The following PPP2R2B variants were observed in gnomAD, a reference collection of about 807,000 sequenced individuals.
PPP2R2B encodes protein phosphatase 2 regulatory subunit Bbeta.
Under a neutral mutation model 46.0 loss-of-function variants are expected in PPP2R2B, and 5 were observed. That is an observed-to-expected ratio of 0.11 (90% confidence interval 0.06 to 0.23). The LOEUF is 0.23. Among genes scored for constraint, PPP2R2B ranks in the 10% least tolerant of loss-of-function variants. The probability of loss-of-function intolerance (pLI) is 1.00; values close to 1 mark genes in which losing one functional copy is unlikely to be tolerated. For synonymous variants in PPP2R2B, 215 were observed against 206.7 expected (o/e 1.04, Z -0.34); for missense variants, 367 against 575.0 (o/e 0.64, Z 3.70).
At chr5:146,874,382 C>T (rs979619410) in intron 2 of PPP2R2B, among the ~76,000 whole-genome samples, 6 of 152,112 alleles carry the variant, frequency 3.9e-5, no homozygotes, top group Non-Finnish European at 5.9e-5. Flanking sequence ...TATGTATAAA[C>T]AAGACAGTTT....
intron 5 of PPP2R2B, 29 bp downstream of exon 5, chr5:146,691,095 ACTGT>A: frequency 6.3e-7 from 1 of 1,580,280 alleles, no homozygotes; most frequent in Non-Finnish European, 8.7e-7. Context: ...CCTGCCCCTG[ACTGT>A]GGTGGCCAGG....
At chr5:146,784,070 AAT>A (rs1491268954) in intron 2 of PPP2R2B, among the ~76,000 whole-genome samples, 12 of 152,330 alleles carry the variant, frequency 7.9e-5, no homozygotes, top group Non-Finnish European at 1.6e-4. Context: ...AATCTTATGC[AAT>A]AAAAAGAACC....
chr5:147,055,816 A>G, exon 1 of PPP2R2B: 1 of 1,540,734 alleles, frequency 6.5e-7, no homozygotes, highest in Non-Finnish European at 8.7e-7. Flanking sequence ...TCGGCCTTTT[A>G]AGCTGGCTAC....
chr5:146,635,489 C>T (rs528644519), intron 7 of PPP2R2B, among the ~76,000 whole-genome samples: 2 of 152,264 alleles, frequency 1.3e-5, no homozygotes, highest in South Asian at 4.1e-4. Context: ...CAGTTGATTC[C>T]CCAATATCCA....
At chr5:146,689,480 C>T (rs534317993) in intron 5 of PPP2R2B, among the ~76,000 whole-genome samples, 1 of 152,166 alleles carries the variant, frequency 6.6e-6, no homozygotes, top group East Asian at 1.9e-4. Context: ...GGTTTGTAGC[C>T]GAGGACCAAC....
Position 146,650,677 on chromosome 5 carries a change from T to C in PPP2R2B, c.495A>G (p.Arg165=), listed in dbSNP as rs1255309702. The C allele has an allele frequency of 1.2e-5, 20 of 1,613,990 alleles. No individual in the cohort carries two copies. The highest frequency in any genetic ancestry group is 1.7e-5 in the Non-Finnish European group (20 of 1,179,942). The part of the protein sequence containing the change: ...PMDLMVEATP[R]RVFANAHTYH... ...ATGTGTGTGCGTTGGCAAATACTCT[T>C]CGTGGGGTGGCCTCCACCATCAGGT... Residue 165 remains arginine (R), a synonymous_variant, in exon 6 of 10, where the codon CGA becomes CGG. Coordinates refer to ENST00000394411, the MANE Select transcript of PPP2R2B (RefSeq NM_181675.4).
intron 7 of PPP2R2B, among the ~76,000 whole-genome samples, chr5:146,621,792 T>TAATC (rs1773719929): frequency 6.6e-6 from 1 of 152,218 alleles, no homozygotes. Context: ...AAACATTTTA[T>TAATC]AATCACTGTA....
chr5:146,858,295 T>G (rs536564061), intron 2 of PPP2R2B, among the ~76,000 whole-genome samples: 1 of 152,144 alleles, frequency 6.6e-6, no homozygotes, highest in Non-Finnish European at 1.5e-5. Context: ...AAAATGTATG[T>G]GGTCCAGTGC....
intron 2 of PPP2R2B, among the ~76,000 whole-genome samples, chr5:146,771,239 A>G (rs2151270175): frequency 6.6e-6 from 1 of 152,218 alleles, no homozygotes; most frequent in South Asian, 2.1e-4. Context: ...GCAGTGAAAT[A>G]CCTCTTTGAT....
chr5:146,649,741 C>A (rs1775829618), intron 6 of PPP2R2B, among the ~76,000 whole-genome samples: 1 of 152,228 alleles, frequency 6.6e-6, no homozygotes, highest in East Asian at 1.9e-4. Context: ...TAAGCCACTG[C>A]GGCCAGCCGA....
chr5:146,862,925 G>A (rs1323218572), intron 2 of PPP2R2B, among the ~76,000 whole-genome samples: 3 of 150,830 alleles, frequency 2.0e-5, no homozygotes, highest in African/African-American at 4.9e-5. Flanking sequence ...AGACTTATAG[G>A]AAAAATTCTG....
intron 2 of PPP2R2B, among the ~76,000 whole-genome samples, chr5:147,070,192 T>C (rs1757544240): frequency 1.3e-5 from 2 of 152,192 alleles, no homozygotes; most frequent in Non-Finnish European, 2.9e-5. Flanking sequence ...GTGAGCTCCA[T>C]TAATACCACA....
At position 146,984,622 on chromosome 5, in the gene PPP2R2B, T is replaced by C. The variant is rs375069465; in HGVS notation, c.79+71043A>G. Among the ~76,000 whole-genome samples the C allele has an allele frequency of 1.2e-4, 18 of 152,186 alleles. 1 individual carries two copies. In the East Asian group the frequency reaches 1.5e-3, roughly 13 times the overall value. ...CCAGAAGTGGGATTGCTGAATCATA[T>C]GGTAGTTCTGTTTTTAACTTTTAGA... On this transcript the variant is annotated intron_variant, in intron 1 of 8. Transcript: ENST00000336640.
chr5:146,713,132 G>T (rs1780300682), intron 2 of PPP2R2B, among the ~76,000 whole-genome samples: 1 of 152,222 alleles, frequency 6.6e-6, no homozygotes, highest in Non-Finnish European at 1.5e-5. Flanking sequence ...TTTCAATAGG[G>T]TGGTTGTGAC....
chr5:146,915,224 C>T (rs767777810), intron 1 of PPP2R2B, among the ~76,000 whole-genome samples: 2 of 152,012 alleles, frequency 1.3e-5, no homozygotes, highest in Non-Finnish European at 2.9e-5. Flanking sequence ...TGCCAAGTAG[C>T]CAGGAAAAAA....
upstream of PPP2R2B, among the ~76,000 whole-genome samples, chr5:146,883,717 CA>C (rs1445055959): frequency 6.6e-6 from 1 of 152,202 alleles, no homozygotes; most frequent in African/African-American, 2.4e-5. Flanking sequence ...GAATTTCTAG[CA>C]AGTTTGCAAT....
chr5:146,832,080 G>A (rs1360950319), intron 2 of PPP2R2B, among the ~76,000 whole-genome samples: 1 of 152,092 alleles, frequency 6.6e-6, no homozygotes, highest in Non-Finnish European at 1.5e-5. Flanking sequence ...TAAAAATTTT[G>A]CATAGTTGTG....
At position 146,795,991 on chromosome 5, in the gene PPP2R2B, T is replaced by C. The variant is rs79863274; in HGVS notation, c.70+82011A>G. Among the ~76,000 whole-genome samples, 601 of 152,272 alleles carry C rather than the reference T, an allele frequency of 3.9e-3. 9 individuals are homozygous for C. Among genetic ancestry groups the C allele is most frequent in the African/African-American group, 0.014 (574 of 41,568 alleles). On this transcript the variant is annotated intron_variant, in intron 2 of 9. Coordinates refer to ENST00000394411, the MANE Select transcript of PPP2R2B (RefSeq NM_181675.4). ...TATAAACATGCCTGCATATAGACTATCCCTACGTTTTGTCACTATTGAACT... is the reference window on the plus strand; with the variant it reads ...TATAAACATGCCTGCATATAGACTACCCCTACGTTTTGTCACTATTGAACT...
At chr5:147,017,851 C>G (rs1356605348) in intron 1 of PPP2R2B, among the ~76,000 whole-genome samples, 1 of 152,108 alleles carries the variant, frequency 6.6e-6, no homozygotes, top group Non-Finnish European at 1.5e-5. Flanking sequence ...AAGCTTCCAA[C>G]ATTCCTGTTG....
Sources: gnomAD v4.1 joint callset for allele counts (sites outside exome capture counted in the v4.1 genomes callset) on GRCh38, gnomAD v4.1.1 for gene constraint, MANE v1.5 for transcripts, NCBI Gene and HGNC (gene_info 2026-07-23, HGNC 2026-07-21) for gene names.